The following WIPF1 variants were observed in gnomAD, a reference collection of about 807,000 sequenced individuals.
The protein encoded by WIPF1 is WAS/WASL-interacting protein family member 1.
In WIPF1, 13 loss-of-function variants were observed where a neutral mutation model predicts 35.4. The ratio of observed to expected loss-of-function variants is 0.37; its 90% CI spans 0.24 to 0.58. The LOEUF is 0.58. Ranked by LOEUF, WIPF1 falls within the 20% of genes least tolerant of loss-of-function variation. The probability of loss-of-function intolerance (pLI) is 0.74; values close to 1 mark genes in which losing one functional copy is unlikely to be tolerated. For missense variants in WIPF1, 591 were observed against 667.0 expected (o/e 0.89, Z 1.25); for synonymous variants, 267 against 266.3 (o/e 1.00, Z -0.02).
chr2:174,651,830 G>A lies in WIPF1; in HGVS notation c.-39+30944C>T, dbSNP rs559058292. ...AGGAATTCCGAAATGGCACAGTGGA[G>A]ACAGCTATTCTCTGTTCCATAATAT... On this transcript the variant is annotated intron_variant, in intron 1 of 8. Coordinates refer to the WIPF1 transcript ENST00000272746. Among the ~76,000 whole-genome samples, 13 of 152,352 alleles carry A rather than the reference G, an allele frequency of 8.5e-5. No homozygotes were observed. In the East Asian group the frequency reaches 2.5e-3, roughly 29 times the overall value.
chr2:174,585,716 C>A lies in WIPF1; in HGVS notation c.-38-105G>T. ...AGTGACAGCTCCACCTAGCTCAACT[C>A]TTAGAAGAGATGGGCTTACCTTTAC... On this transcript the variant is annotated intron_variant, in intron 1 of 7. Coordinates refer to ENST00000679041, the MANE Select transcript of WIPF1 (RefSeq NM_001375834.1). 2 of 789,188 alleles carry A rather than the reference C, an allele frequency of 2.5e-6. No homozygotes were observed. The highest frequency in any genetic ancestry group is 2.7e-5 in the Admixed American group (1 of 37,502). 48.9% of individuals were successfully genotyped at this position (789,188 alleles called of 1,614,324 possible).
chr2:174,665,388 A>G (rs1687869818), intron 1 of WIPF1: 1 of 152,124 alleles, frequency 6.6e-6, no homozygotes, highest in East Asian at 1.9e-4. Flanking sequence ...CATCTTCTCC[A>G]CTCTCTTCCT....
At chr2:174,640,339 G>A (rs1413115578) in intron 1 of WIPF1, among the ~76,000 whole-genome samples, 6 of 112,676 alleles carry the variant, frequency 5.3e-5, no homozygotes, top group African/African-American at 2.0e-4. Context: ...TCACACTCTG[G>A]GGACTGTTGT....
chr2:174,585,643 A>C (rs1421487061), intron 1 of WIPF1, 32 bp from the exon 2 acceptor site: 2 of 1,464,640 alleles, frequency 1.4e-6, no homozygotes, highest in Non-Finnish European at 1.9e-6. Flanking sequence ...CATGTATTAG[A>C]TGTAATCTTA....
In WIPF1 at chr2:174,572,396, A is replaced by G. The variant is rs779896543; in HGVS notation, c.409T>C (p.Ser137Pro). ...PLLPPGGRSTSAKPFSPPSGP... is the reference protein window; with the variant it reads ...PLLPPGGRSTPAKPFSPPSGP... ...CTTGGGGGTGAAAAGGGTTTCGCAG[A>G]TGTGGATCTTCCTCCCGGTGGCAAC... is the stretch of plus-strand genomic sequence containing the variant. Residue 137 changes from serine to proline, a missense_variant, in exon 5 of 8, where the codon TCT becomes CCT. Transcript: ENST00000679041. 14 of 1,614,028 alleles carry G rather than the reference A, an allele frequency of 8.7e-6. No homozygotes were observed. Among genetic ancestry groups the G allele is most frequent in the Non-Finnish European group, 1.0e-5 (12 of 1,180,010 alleles).
chr2:174,641,101 CA>C lies in WIPF1; in HGVS notation c.-39+41672del, dbSNP rs766945021. ...GCCCAGAAATAAATTTATGCACTTA[CA>C]CTCAACTCCCATTCAACAAAAGTGC... On this transcript the variant is annotated intron_variant, in intron 1 of 8. Coordinates refer to the WIPF1 transcript ENST00000272746. Among the ~76,000 whole-genome samples, 7 of 152,326 alleles carry C rather than the reference CA, an allele frequency of 4.6e-5. No individual in the cohort carries two copies. In the East Asian group the frequency reaches 1.4e-3, roughly 29 times the overall value.
upstream of WIPF1, among the ~76,000 whole-genome samples, chr2:174,600,086 T>C (rs957836763): frequency 1.3e-5 from 2 of 152,154 alleles, no homozygotes; most frequent in Non-Finnish European, 2.9e-5. Flanking sequence ...GCTGATCTGA[T>C]AGGAGGCAGA....
intron 1 of WIPF1, among the ~76,000 whole-genome samples, chr2:174,617,285 C>A (rs559852804): frequency 7.9e-5 from 12 of 152,266 alleles, no homozygotes; most frequent in Admixed American, 7.8e-4. Context: ...CCCAGCATAA[C>A]CTTTTGGGCT....
At chr2:174,659,698 T>C (rs562073110) in intron 1 of WIPF1, among the ~76,000 whole-genome samples, 1 of 152,314 alleles carries the variant, frequency 6.6e-6, no homozygotes, top group Admixed American at 6.5e-5. Flanking sequence ...ACATTAGTGA[T>C]TACAGAACTC....
chr2:174,679,687 A>G (rs2105998785), intron 1 of WIPF1, among the ~76,000 whole-genome samples: 1 of 152,294 alleles, frequency 6.6e-6, no homozygotes, highest in Non-Finnish European at 1.5e-5. Context: ...CATACTAGTT[A>G]AAGTGTATTA....
intron 1 of WIPF1, among the ~76,000 whole-genome samples, chr2:174,628,506 G>C (rs1212404927): frequency 6.6e-6 from 1 of 152,230 alleles, no homozygotes; most frequent in Non-Finnish European, 1.5e-5. Flanking sequence ...AGGTAGGATG[G>C]ATTAGCTTTC....
intron 1 of WIPF1, among the ~76,000 whole-genome samples, chr2:174,588,053 G>A (rs761952266): frequency 2.6e-5 from 4 of 152,192 alleles, no homozygotes; most frequent in Admixed American, 2.0e-4. Context: ...TCCATCAAGG[G>A]GCATCTCCAG....
chr2:174,596,804 T>C (rs1685835940), intron 1 of WIPF1, among the ~76,000 whole-genome samples: 1 of 152,192 alleles, frequency 6.6e-6, no homozygotes, highest in Admixed American at 6.5e-5. Flanking sequence ...TTTTTAAAGC[T>C]TTATTTTATA....
chr2:174,650,182 A>G (rs549475574), intron 1 of WIPF1, among the ~76,000 whole-genome samples: 1 of 151,096 alleles, frequency 6.6e-6, no homozygotes, highest in East Asian at 1.9e-4. Context: ...GTGCCCCCTT[A>G]CTCTACCACT....
chr2:174,668,178 A>G (rs969355636), intron 1 of WIPF1, among the ~76,000 whole-genome samples: 2 of 152,212 alleles, frequency 1.3e-5, no homozygotes, highest in Non-Finnish European at 2.9e-5. Context: ...AAAATCATCT[A>G]TGGAACATTT....
intron 1 of WIPF1, among the ~76,000 whole-genome samples, chr2:174,593,470 C>T (rs1333006329): frequency 6.6e-6 from 1 of 152,210 alleles, no homozygotes; most frequent in African/African-American, 2.4e-5. Context: ...ACTCAAATTG[C>T]TGCTAAGACG....
At chr2:174,629,887 A>G (rs753706830) in intron 1 of WIPF1, 2 of 152,264 alleles carry the variant, frequency 1.3e-5, no homozygotes, top group Non-Finnish European at 2.9e-5. Flanking sequence ...CAAAGAAGAC[A>G]TTCCAAATCT....
intron 1 of WIPF1, among the ~76,000 whole-genome samples, chr2:174,592,320 G>A (rs1559154563): frequency 6.6e-6 from 1 of 152,176 alleles, no homozygotes; most frequent in African/African-American, 2.4e-5. Flanking sequence ...GAGAAGATAA[G>A]AAGCAGCTTT....
intron 1 of WIPF1, among the ~76,000 whole-genome samples, chr2:174,638,047 A>G (rs1687222792): frequency 6.6e-6 from 1 of 152,318 alleles, no homozygotes; most frequent in South Asian, 2.1e-4. Flanking sequence ...TTGGACTAAG[A>G]GATGTAATTT....
Sources: allele counts gnomAD v4.1 joint callset (sites outside exome capture counted in the v4.1 genomes callset), GRCh38; gene constraint gnomAD v4.1.1; transcripts MANE v1.5; gene names NCBI Gene and HGNC (gene_info 2026-07-23, HGNC 2026-07-21).